The following MED12L variants were observed in gnomAD, a reference collection of about 807,000 sequenced individuals.
MED12L encodes the protein mediator complex subunit 12L, also known as mediator of RNA polymerase II transcription subunit 12-like protein.
Under a neutral mutation model 281.3 loss-of-function variants are expected in MED12L, and 60 were observed. The ratio of observed to expected loss-of-function variants is 0.21; its 90% CI spans 0.17 to 0.26. The LOEUF (loss-of-function observed/expected upper bound fraction) is 0.26. MED12L is among the 10% of genes least tolerant of loss of function. MED12L has a pLI of 1.00. For synonymous variants in MED12L, 974 were observed against 987.2 expected, an observed-to-expected ratio of 0.99 and a Z score of 0.25; for missense variants, 2,146 against 2,680.9, an observed-to-expected ratio of 0.80 and a Z score of 4.41.
chr3:151,131,073 T>C (rs902448055), intron 5 of MED12L, among the ~76,000 whole-genome samples: 2 of 152,212 alleles, frequency 1.3e-5, no homozygotes. Context: ...TGTGTATGTA[T>C]GTATTTAAAA....
chr3:151,273,062 A>G (rs1211744756), intron 16 of MED12L, among the ~76,000 whole-genome samples: 2 of 152,094 alleles, frequency 1.3e-5, no homozygotes, highest in Non-Finnish European at 2.9e-5. Context: ...AAATATTCCA[A>G]AATCTGAAAT....
chr3:151,326,752 C>T lies in MED12L; in HGVS notation c.2251-23307C>T, dbSNP rs933788425. On this transcript the variant is annotated intron_variant, in intron 16 of 44. Coordinates refer to ENST00000687756, the MANE Select transcript of MED12L (RefSeq NM_001393769.1). ...GGAAGAAAACGTGGGCTTCACCCTA[C>T]GATGGTCGTGTTGGAGCTCGTGGCA... 2.6e-5 allele frequency: 4 copies of T among 152,190 alleles called. No homozygotes were observed. In the East Asian group the frequency reaches 5.8e-4, roughly 22 times the overall value. The allele number at this position is 152,190 out of a possible 1,614,324, so 9.4% of individuals were successfully genotyped here. A position where few individuals can be genotyped will look rare whatever the true frequency, so the allele number is the denominator to read the frequency against.
intron 43 of MED12L, among the ~76,000 whole-genome samples, chr3:151,427,247 G>T (rs1050912442): frequency 6.6e-6 from 1 of 152,194 alleles, no homozygotes; most frequent in Admixed American, 6.5e-5. Context: ...AGTGAAAAAA[G>T]CAGATAATGT....
intron 39 of MED12L, among the ~76,000 whole-genome samples, chr3:151,395,857 T>C (rs997576222): frequency 6.6e-6 from 1 of 152,266 alleles, no homozygotes; most frequent in African/African-American, 2.4e-5. Context: ...CTTTGTCTTT[T>C]GGATAACTTT....
intron 35 of MED12L, chr3:151,384,740 T>C: frequency 3.2e-6 from 1 of 309,044 alleles, no homozygotes; most frequent in Non-Finnish European, 5.9e-6. Flanking sequence ...CTGCAGCTCC[T>C]GTCTTCTGAT....
At chr3:151,344,641 G>A (rs1752307889) in intron 16 of MED12L, among the ~76,000 whole-genome samples, 1 of 152,162 alleles carries the variant, frequency 6.6e-6, no homozygotes, top group Non-Finnish European at 1.5e-5. Context: ...AGTAGAGCAT[G>A]CAAAAATTAG....
chr3:151,359,831 T>A (rs1458927133), intron 20 of MED12L, among the ~76,000 whole-genome samples: 1 of 152,068 alleles, frequency 6.6e-6, no homozygotes, highest in Non-Finnish European at 1.5e-5. Flanking sequence ...TTTACAGCTG[T>A]GGTGTATGGA....
In MED12L at chr3:151,227,096, G is replaced by A. The variant is rs961844917; in HGVS notation, c.2250+33430G>A. 1.2e-4 allele frequency among the ~76,000 whole-genome samples: 19 copies of A among 152,334 alleles called. No homozygotes were observed. The East Asian group carries it at 3.7e-3, about 29-fold the overall frequency. On this transcript the variant is annotated intron_variant, in intron 16 of 44. Coordinates refer to ENST00000687756, the MANE Select transcript of MED12L (RefSeq NM_001393769.1). ...TCACTTGATCCTAACTCCTGCTGCTGTGACCCATCGACTTTACCTTCAGTT... is the reference window on the plus strand; with the variant it reads ...TCACTTGATCCTAACTCCTGCTGCTATGACCCATCGACTTTACCTTCAGTT...
intron 2 of MED12L, among the ~76,000 whole-genome samples, chr3:151,115,534 A>T (rs1468425494): frequency 6.7e-6 from 1 of 150,260 alleles, no homozygotes; most frequent in Non-Finnish European, 1.5e-5. Context: ...TTTAGTAGAG[A>T]TGGGGTCTCC....
At chr3:151,379,841 C>G (rs890168775) in intron 31 of MED12L, among the ~76,000 whole-genome samples, 5 of 152,194 alleles carry the variant, frequency 3.3e-5, no homozygotes, top group Non-Finnish European at 7.3e-5. Context: ...TCACTGTCTT[C>G]TACCCTCACT....
At chr3:151,253,916 G>A (rs916660791) in intron 16 of MED12L, among the ~76,000 whole-genome samples, 1 of 151,738 alleles carries the variant, frequency 6.6e-6, no homozygotes, top group African/African-American at 2.4e-5. Flanking sequence ...AATCAGTGAG[G>A]ACCTCCACTA....
At chr3:151,146,512 T>A (rs1717780001) in intron 5 of MED12L, among the ~76,000 whole-genome samples, 2 of 152,152 alleles carry the variant, frequency 1.3e-5, no homozygotes, top group South Asian at 4.1e-4. Flanking sequence ...TGGTAGGCAT[T>A]TAGTGTTTGC....
chr3:151,378,672 G>A (rs1170026048), intron 31 of MED12L, among the ~76,000 whole-genome samples: 1 of 151,836 alleles, frequency 6.6e-6, no homozygotes, highest in African/African-American at 2.4e-5. Context: ...TTATGCCCAA[G>A]AAAAGGTTTC....
chr3:151,355,052 A>T, intron 17 of MED12L, 69 bp from the exon 18 acceptor site: 2 of 1,112,718 alleles, frequency 1.8e-6, no homozygotes, highest in Non-Finnish European at 1.4e-6. Context: ...TTTAAAAAAA[A>T]GTATCCATTA....
At chr3:151,318,987 T>TA (rs1748648447) in intron 16 of MED12L, among the ~76,000 whole-genome samples, 2 of 152,130 alleles carry the variant, frequency 1.3e-5, no homozygotes, top group African/African-American at 4.8e-5. Flanking sequence ...CCCGGGACGG[T>TA]AGCCTAACAG....
At chr3:151,174,831 C>T (rs888963243) in intron 11 of MED12L, among the ~76,000 whole-genome samples, 7 of 151,858 alleles carry the variant, frequency 4.6e-5, no homozygotes, top group East Asian at 1.9e-4. Flanking sequence ...GATCCCCAGC[C>T]GAGTAGCTGG....
rs138892161 is a variant in MED12L, at chr3:151,105,806, A to G, written c.100-10532A>G. On this transcript the variant is annotated intron_variant, in intron 2 of 44. Transcript: ENST00000687756. The stretch of plus-strand genomic sequence containing the variant: ...AGACCTGTATAGCTGAGTGCCTACT[A>G]GAAACATTTTCTCTGTGTGTCTGAT... Among the ~76,000 whole-genome samples the G allele has an allele frequency of 5.9e-5, 9 of 152,264 alleles. No individual in the cohort carries two copies. In the East Asian group the frequency reaches 1.2e-3, roughly 20 times the overall value.
rs184307034 is a variant in MED12L at position 151,112,102 on chromosome 3, G to A, written c.100-4236G>A. Among the ~76,000 whole-genome samples, 198 of 152,148 alleles carry A rather than the reference G, an allele frequency of 1.3e-3. 1 individual carries two copies. The highest frequency in any genetic ancestry group is 4.3e-3 in the African/African-American group (177 of 41,498). ...TAACTGTTGCGTCTTACTATGTTGG[G>A]AGACTATTTTGTTAGTTTGAAACTG... is the stretch of plus-strand genomic sequence containing the variant. On this transcript the variant is annotated intron_variant, in intron 2 of 44. Transcript: ENST00000687756.
At chr3:151,218,137 C>T (rs964204129) in intron 16 of MED12L, among the ~76,000 whole-genome samples, 1 of 151,884 alleles carries the variant, frequency 6.6e-6, no homozygotes, top group Non-Finnish European at 1.5e-5. Flanking sequence ...TGAAGGAAAT[C>T]GTTTTATTCT....
Sources: gnomAD v4.1 joint callset for allele counts (sites outside exome capture counted in the v4.1 genomes callset) on GRCh38, gnomAD v4.1.1 for gene constraint, MANE v1.5 for transcripts, NCBI Gene and HGNC (gene_info 2026-07-23, HGNC 2026-07-21) for gene names.